SCGB2B2: variants seen among roughly 807,000 people sequenced by gnomAD.
The protein encoded by SCGB2B2 is secretoglobin family 2B member 2.
A neutral mutation model predicts 7.6 loss-of-function variants in SCGB2B2; 11 were observed. That is an observed-to-expected ratio of 1.45 (90% CI 0.91 to 2.40). SCGB2B2 has a LOEUF of 2.40. Among genes scored for constraint, SCGB2B2 ranks in the 30% most tolerant of loss-of-function variants. SCGB2B2 has a pLI of 0.00. For missense variants in SCGB2B2, 104 were observed against 115.4 expected, an observed-to-expected ratio of 0.90 and a Z score of 0.45; for synonymous variants, 50 against 48.6, an observed-to-expected ratio of 1.03 and a Z score of -0.12.
intron 1 of SCGB2B2, among the ~76,000 whole-genome samples, chr19:34,622,034 A>C (rs2145901093): frequency 6.6e-6 from 1 of 152,320 alleles, no homozygotes; most frequent in East Asian, 1.9e-4. Context: ...AGAAGACAGC[A>C]GTTCTGCCGC....
At chr19:34,623,343 T>C (rs1269528908) in intron 1 of SCGB2B2, among the ~76,000 whole-genome samples, 1 of 152,108 alleles carries the variant, frequency 6.6e-6, no homozygotes, top group Non-Finnish European at 1.5e-5. Flanking sequence ...GGCTTGAAGA[T>C]GGGTTGTTAA....
intron 1 of SCGB2B2, among the ~76,000 whole-genome samples, chr19:34,601,753 C>T (rs1309567738): frequency 1.3e-5 from 2 of 152,046 alleles, no homozygotes; most frequent in Non-Finnish European, 2.9e-5. Context: ...TATCTAATGC[C>T]TATTTGTTTA....
At chr19:34,656,749 G>A (rs1246025046) in intron 1 of SCGB2B2, among the ~76,000 whole-genome samples, 1 of 151,226 alleles carries the variant, frequency 6.6e-6, no homozygotes, top group Non-Finnish European at 1.5e-5. Flanking sequence ...TGAACGAAGG[G>A]TAACCAGAAA....
chr19:34,659,880 T>C (rs1471977064), intron 1 of SCGB2B2, among the ~76,000 whole-genome samples: 2 of 151,456 alleles, frequency 1.3e-5, no homozygotes, highest in South Asian at 4.2e-4. Context: ...GCTACCTGAC[T>C]TTATACTACA....
chr19:34,661,469 T>C (rs774034550), intron 1 of SCGB2B2, among the ~76,000 whole-genome samples: 5 of 152,194 alleles, frequency 3.3e-5, no homozygotes, highest in South Asian at 2.1e-4. Context: ...TCTGGCACTG[T>C]AGAGGGCCAA....
At chr19:34,608,684 T>TATATATATATATACAC (rs879668084) in intron 1 of SCGB2B2, 2 of 126,622 alleles carry the variant, frequency 1.6e-5, no homozygotes, top group African/African-American at 2.9e-5. Context: ...TATATATATA[T>TATATATATATATACAC]ACCGTATTTT....
chr19:34,598,986 T>C (rs977473339), intron 1 of SCGB2B2, among the ~76,000 whole-genome samples: 3 of 152,246 alleles, frequency 2.0e-5, no homozygotes, highest in Admixed American at 6.5e-5. Flanking sequence ...CCAGGCACCA[T>C]TGGCCCTGCG....
chr19:34,627,144 C>G (rs944129416), intron 1 of SCGB2B2, among the ~76,000 whole-genome samples: 1 of 152,220 alleles, frequency 6.6e-6, no homozygotes, highest in East Asian at 1.9e-4. Flanking sequence ...GTACCAGCCA[C>G]TGCAAAAACA....
chr19:34,658,258 G>A (rs2067337777), intron 1 of SCGB2B2, among the ~76,000 whole-genome samples: 1 of 152,128 alleles, frequency 6.6e-6, no homozygotes, highest in Non-Finnish European at 1.5e-5. Context: ...GAGCAGAACT[G>A]AAGGAGATAG....
chr19:34,624,695 C>T (rs1031600638), intron 1 of SCGB2B2, among the ~76,000 whole-genome samples: 59 of 152,314 alleles, frequency 3.9e-4, no homozygotes, highest in Non-Finnish European at 3.8e-4. Context: ...GTGCAGCCTC[C>T]GCCAGATGCC....
At chr19:34,668,975 T>G (rs1196067524) in intron 1 of SCGB2B2, among the ~76,000 whole-genome samples, 1 of 152,074 alleles carries the variant, frequency 6.6e-6, no homozygotes, top group East Asian at 1.9e-4. Context: ...CCTTCCACAC[T>G]GTGGAAGCTT....
In SCGB2B2 at chr19:34,618,669, T is replaced by C. The variant is rs183900949; in HGVS notation, c.-2031-22075A>G. The stretch of plus-strand genomic sequence containing the variant: ...TACTCCCATACCTTTTATCACCTTT[T>C]ACCAAAATCACACTTTACCTTCCTT... On this transcript the variant is annotated intron_variant, in intron 1 of 3. Coordinates refer to ENST00000601241, the MANE Select transcript of SCGB2B2 (RefSeq NM_001025591.4). 2.3e-3 allele frequency among the ~76,000 whole-genome samples: 343 copies of C among 152,368 alleles called. 1 individual carries two copies. Among genetic ancestry groups the C allele is most frequent in the African/African-American group, 7.9e-3 (327 of 41,596 alleles).
intron 1 of SCGB2B2, among the ~76,000 whole-genome samples, chr19:34,658,882 ATCC>A (rs1381062617): frequency 2.8e-4 from 43 of 152,044 alleles, no homozygotes; most frequent in Non-Finnish European, 1.5e-5. Flanking sequence ...CCATGCGAAA[ATCC>A]TCAATAAAAT....
chr19:34,600,842 T>G (rs1019273142), intron 1 of SCGB2B2, among the ~76,000 whole-genome samples: 1 of 152,172 alleles, frequency 6.6e-6, no homozygotes, highest in Non-Finnish European at 1.5e-5. Context: ...TTTGTATGTT[T>G]TAATGATTTT....
At chr19:34,665,551 C>T (rs145669921) in intron 1 of SCGB2B2, among the ~76,000 whole-genome samples, 2 of 152,152 alleles carry the variant, frequency 1.3e-5, no homozygotes, top group Non-Finnish European at 1.5e-5. Flanking sequence ...TGACCTCATG[C>T]GGGCATGGTG....
intron 1 of SCGB2B2, chr19:34,637,762 C>G (rs1359547384): frequency 2.0e-5 from 3 of 151,952 alleles, no homozygotes; most frequent in African/African-American, 7.3e-5. Flanking sequence ...TTTGGTTTGT[C>G]AAACCCGTAA....
rs951970738 is a variant in SCGB2B2 at position 34,592,732 on chromosome 19, C to G, written c.*823G>C. ...GAGGGTGGCACTCGTTCCCTGTGAC[C>G]TCAATGTCAATGTCCCCTGTCATGG... On this transcript the variant is annotated 3_prime_UTR_variant, in exon 4 of 4. Coordinates refer to ENST00000601241, the MANE Select transcript of SCGB2B2 (RefSeq NM_001025591.4). Among the ~76,000 whole-genome samples the G allele has an allele frequency of 6.6e-6, 1 of 152,156 alleles. No individual in the cohort carries two copies. Among genetic ancestry groups the G allele is most frequent in the East Asian group, 1.9e-4 (1 of 5,184 alleles).
chr19:34,664,182 G>T (rs1380007263), intron 1 of SCGB2B2, among the ~76,000 whole-genome samples: 1 of 152,226 alleles, frequency 6.6e-6, no homozygotes, highest in Non-Finnish European at 1.5e-5. Flanking sequence ...AGTTGAGCTG[G>T]GAGGCTTTGG....
In SCGB2B2 at chr19:34,616,156, C is replaced by T. The variant is rs1158749926; in HGVS notation, c.-2031-19562G>A. On this transcript the variant is annotated intron_variant, in intron 1 of 3. Coordinates refer to ENST00000601241, the MANE Select transcript of SCGB2B2 (RefSeq NM_001025591.4). Reference sequence around the variant, plus strand: ...TAGTGCTGCAATAAACATACGTGTGCATGTGTCTTTATAGCAGCATAATTT... The same window carrying T: ...TAGTGCTGCAATAAACATACGTGTGTATGTGTCTTTATAGCAGCATAATTT... 2.7e-5 allele frequency among the ~76,000 whole-genome samples: 4 copies of T among 149,108 alleles called. No individual in the cohort carries two copies. In the South Asian group the frequency reaches 6.5e-4, roughly 24 times the overall value.
Sources: allele counts gnomAD v4.1 joint callset (sites outside exome capture counted in the v4.1 genomes callset), GRCh38; gene constraint gnomAD v4.1.1; transcripts MANE v1.5; gene names NCBI Gene and HGNC (gene_info 2026-07-23, HGNC 2026-07-21).